SERPINB8: variants seen among roughly 807,000 people sequenced by gnomAD.
SERPINB8 encodes serpin family B member 8, also known as serpin B8.
In SERPINB8, 25 loss-of-function variants were observed where a neutral mutation model predicts 35.3. The ratio of observed to expected loss-of-function variants is 0.71; its 90% CI spans 0.52 to 0.99. SERPINB8 has a LOEUF of 0.99. Ranked by LOEUF, SERPINB8 falls within the 50% of genes least tolerant of loss-of-function variation. The probability of loss-of-function intolerance (pLI) is 0.00; values close to 1 mark genes in which losing one functional copy is unlikely to be tolerated. For missense variants in SERPINB8, 484 were observed against 446.5 expected, an observed-to-expected ratio of 1.08 and a Z score of -0.76; for synonymous variants, 186 against 160.8, an observed-to-expected ratio of 1.16 and a Z score of -1.19.
At chr18:63,970,755 A>G (rs1031422077) in intron 1 of SERPINB8, among the ~76,000 whole-genome samples, 2 of 152,048 alleles carry the variant, frequency 1.3e-5, no homozygotes, top group Non-Finnish European at 2.9e-5. Flanking sequence ...CTTACAGCCT[A>G]TTGGTTGCAC....
At chr18:63,985,031 A>T in intron 5 of SERPINB8, 62 bp from the exon 6 acceptor site, 1 of 1,544,464 alleles carries the variant, frequency 6.5e-7, no homozygotes. Context: ...TGAGTTAGAT[A>T]TATCCTATTT....
downstream of SERPINB8, among the ~76,000 whole-genome samples, chr18:63,992,471 T>C (rs2050829567): frequency 6.6e-6 from 1 of 152,192 alleles, no homozygotes; most frequent in African/African-American, 2.4e-5. Flanking sequence ...ATTTCTGAGA[T>C]TAGTAGCTTG....
chr18:64,016,283 C>T (rs887668008), intron 7 of SERPINB8, among the ~76,000 whole-genome samples: 1 of 152,244 alleles, frequency 6.6e-6, no homozygotes, highest in South Asian at 2.1e-4. Context: ...CTACTGAGAC[C>T]GTTTTTCCCA....
intron 1 of SERPINB8, chr18:64,004,683 T>C: frequency 2.5e-6 from 1 of 394,136 alleles, no homozygotes; most frequent in Non-Finnish European, 4.5e-6. Flanking sequence ...TTCACTTATT[T>C]ATTTACATTC....
chr18:63,988,337 G>C lies in SERPINB8; in HGVS notation c.*1059G>C, dbSNP rs1468140986. 6.6e-6 allele frequency: 1 copy of C among 152,142 alleles called. No homozygotes were observed. Among genetic ancestry groups the C allele is most frequent in the African/African-American group, 2.4e-5 (1 of 41,416 alleles). 9.4% of individuals were successfully genotyped at this position (152,142 alleles called of 1,614,324 possible). A position where few individuals can be genotyped will look rare whatever the true frequency, so the allele number is the denominator to read the frequency against. ...TTTGATGTGCATAGTATTCCACTGTGTGGCTGGATTTCTATAATTGAATCT... is the reference window on the plus strand; with the variant it reads ...TTTGATGTGCATAGTATTCCACTGTCTGGCTGGATTTCTATAATTGAATCT... On this transcript the variant is annotated 3_prime_UTR_variant, in exon 7 of 7. Transcript: ENST00000397985.
chr18:63,985,204 A>G lies in SERPINB8; in HGVS notation c.679A>G (p.Met227Val), dbSNP rs887598272. The stretch of plus-strand genomic sequence containing the variant: ...GCCCTATGTGGAAGAGGAGCTGAGC[A>G]TGGTCATTCTGCTTCCCGATGACAA... ...ELPYVEEELS[M>V]VILLPDDNTD... The change falls in exon 6 of 7, where the codon ATG (methionine) becomes GTG (valine). Residue 227 changes from methionine (M) to valine (V), a missense_variant. Coordinates refer to ENST00000397985, the MANE Select transcript of SERPINB8 (RefSeq NM_002640.4). 2.5e-6 allele frequency: 4 copies of G among 1,614,230 alleles called. No homozygotes were observed. Among genetic ancestry groups the G allele is most frequent in the Non-Finnish European group, 2.5e-6 (3 of 1,180,040 alleles).
At chr18:63,998,750 C>T (rs532708446) in intron 1 of SERPINB8, among the ~76,000 whole-genome samples, 2 of 152,328 alleles carry the variant, frequency 1.3e-5, no homozygotes, top group African/African-American at 4.8e-5. Flanking sequence ...GGCTACTAAA[C>T]AGCACAGATT....
chr18:64,001,437 A>G (rs1359146185), intron 1 of SERPINB8, among the ~76,000 whole-genome samples: 1 of 151,820 alleles, frequency 6.6e-6, no homozygotes, highest in Admixed American at 6.6e-5. Context: ...CACTCGATTT[A>G]AGGATTCTGC....
intron 4 of SERPINB8, 49 bp from the exon 5 acceptor site, chr18:63,983,530 G>T (rs371705449): frequency 1.9e-6 from 3 of 1,585,422 alleles, no homozygotes; most frequent in Non-Finnish European, 1.7e-6. Context: ...TTTTGTAAAA[G>T]AATGCTTATT....
intron 2 of SERPINB8, 123 bp from the exon 3 acceptor site, chr18:63,979,678 T>G (rs2050638915): frequency 8.3e-7 from 1 of 1,205,928 alleles, no homozygotes; most frequent in South Asian, 1.4e-5. Context: ...GCTAGACAAT[T>G]AGGCCAAACC....
At chr18:63,994,562 G>A (rs1209815450) in intron 1 of SERPINB8, among the ~76,000 whole-genome samples, 1 of 152,134 alleles carries the variant, frequency 6.6e-6, no homozygotes, top group Non-Finnish European at 1.5e-5. Flanking sequence ...GTGTGCTAAT[G>A]TGTTGTTTAC....
intron 1 of SERPINB8, among the ~76,000 whole-genome samples, chr18:63,996,367 C>T (rs1391991069): frequency 6.6e-6 from 1 of 152,124 alleles, no homozygotes; most frequent in African/African-American, 2.4e-5. Context: ...TTTGCATTGG[C>T]AGTATCTGAC....
In SERPINB8 at chr18:63,970,148, G is replaced by GGCAGCAGCA. The variant is rs1555711119; in HGVS notation, c.-22_-14dup. 2 of 358,804 alleles carry GGCAGCAGCA rather than the reference G, an allele frequency of 5.6e-6. No homozygotes were observed. The highest frequency in any genetic ancestry group is 1.2e-4 in the East Asian group (1 of 8,592). The allele number at this position is 358,804 out of a possible 1,614,324, so 22.2% of individuals were successfully genotyped here. A position where few individuals can be genotyped will look rare whatever the true frequency, so the allele number is the denominator to read the frequency against. ...AAGCAGCAGCGGCGGCGGCGGCGGC[G>GGCAGCAGCA]GCAGCAGCAGCAGCAGCAGGAGGTG... On this transcript the variant is annotated 5_prime_UTR_variant, in exon 1 of 7. Coordinates refer to ENST00000397985, the MANE Select transcript of SERPINB8 (RefSeq NM_002640.4).
Position 63,979,796 on chromosome 18 carries a change from C to G in SERPINB8, c.169-5C>G, listed in dbSNP as rs1439051589. ...TTAAAAGTCAGTGTTGGTTTCTGTT[C>G]CCAGGCACTTTGTTTATACAAAGAC... On this transcript the variant is annotated splice_polypyrimidine_tract_variant and splice_region_variant and intron_variant, in intron 2 of 6. Transcript: ENST00000397985. The G allele has an allele frequency of 6.2e-7, 1 of 1,613,862 alleles. No individual in the cohort carries two copies.
chr18:64,008,518 G>A (rs374855683), downstream of SERPINB8, among the ~76,000 whole-genome samples: 10 of 152,030 alleles, frequency 6.6e-5, no homozygotes, highest in South Asian at 4.2e-4. Flanking sequence ...CAAAGTGCTA[G>A]GATTGCAGAT....
chr18:63,974,343 T>A (rs2050546141), intron 1 of SERPINB8, among the ~76,000 whole-genome samples: 1 of 152,208 alleles, frequency 6.6e-6, no homozygotes, highest in Non-Finnish European at 1.5e-5. Context: ...TCTACATAAA[T>A]GCTCTTTGAA....
chr18:63,974,849 G>C (rs2050555605), intron 1 of SERPINB8, among the ~76,000 whole-genome samples: 1 of 152,098 alleles, frequency 6.6e-6, no homozygotes, highest in African/African-American at 2.4e-5. Context: ...GGGTGCACTT[G>C]TGTGTGAGTG....
chr18:63,987,233 C>T lies in SERPINB8; in HGVS notation c.1080C>T (p.His360=). 1 of 1,614,078 alleles carries T rather than the reference C, an allele frequency of 6.2e-7. No homozygotes were observed. Among genetic ancestry groups the T allele is most frequent in the Non-Finnish European group, 8.5e-7 (1 of 1,179,956 alleles). The part of the protein sequence containing the change: ...DHPFLFFIRH[H]KTNCILFCGR... ...CTTTTCTTTTCTTCATCAGGCACCA[C>T]AAAACCAACTGCATCTTGTTCTGTG... is the stretch of plus-strand genomic sequence containing the variant. The change falls in exon 7 of 7, where the codon CAC becomes CAT. Residue 360 remains histidine (H), a synonymous_variant. Coordinates refer to ENST00000397985, the MANE Select transcript of SERPINB8 (RefSeq NM_002640.4).
chr18:63,991,261 C>T (rs564769163), downstream of SERPINB8, among the ~76,000 whole-genome samples: 12 of 152,274 alleles, frequency 7.9e-5, no homozygotes, highest in Admixed American at 7.8e-4. Context: ...AAGCCTGCTG[C>T]AATTTTGATT....
Sources: gnomAD v4.1 joint callset for allele counts (sites outside exome capture counted in the v4.1 genomes callset) on GRCh38, gnomAD v4.1.1 for gene constraint, MANE v1.5 for transcripts, NCBI Gene and HGNC (gene_info 2026-07-23, HGNC 2026-07-21) for gene names.